Variants in RNF17 observed in about 807,000 individuals in gnomAD.
RNF17 encodes ring finger protein 17, also known as spermatogenesis associated 23.
A neutral mutation model predicts 200.5 loss-of-function variants in RNF17; 31 were observed. The ratio of observed to expected loss-of-function variants is 0.15; its 90% CI spans 0.12 to 0.21. The LOEUF is 0.21. Among genes scored for constraint, RNF17 ranks in the 10% least tolerant of loss-of-function variants. The pLI is 1.00. For synonymous variants in RNF17, 606 were observed against 637.8 expected, an observed-to-expected ratio of 0.95 and a Z score of 0.75; for missense variants, 1,628 against 1,905.1, an observed-to-expected ratio of 0.85 and a Z score of 2.71.
intron 15 of RNF17, among the ~76,000 whole-genome samples, chr13:24,817,253 T>C (rs1235304240): frequency 6.6e-6 from 1 of 152,176 alleles, no homozygotes; most frequent in Admixed American, 6.6e-5. Context: ...GGGCTTTTCA[T>C]GTGTAGGAGG....
the RNF17 span, among the ~76,000 whole-genome samples, chr13:24,755,788 T>G: frequency 6.6e-6 from 1 of 152,132 alleles, no homozygotes; most frequent in Non-Finnish European, 1.5e-5. Context: ...CTACAGGTCA[T>G]AAAAAAATTG....
chr13:24,781,878 A>G lies in RNF17; in HGVS notation c.545A>G (p.Glu182Gly). The change falls in exon 6 of 36, where the codon GAA becomes GGA. Residue 182 changes from glutamate to glycine, a missense_variant. Glu to Gly is a moderately conservative substitution (Grantham distance 98). Transcript: ENST00000255324. ...CACATGCAGAAGCAAACGATAGAGG[A>G]AAGAGAAAGAGTTATAGAAGTTGTG... ...LEHMQKQTIEERERVIEVVEK... is the reference protein window; with the variant it reads ...LEHMQKQTIEGRERVIEVVEK... 2.5e-6 allele frequency: 4 copies of G among 1,612,492 alleles called. No individual in the cohort carries two copies. Among genetic ancestry groups the G allele is most frequent in the Non-Finnish European group, 3.4e-6 (4 of 1,179,634 alleles).
intron 4 of RNF17, 29 bp from the exon 5 acceptor site, chr13:24,779,638 A>G: frequency 6.5e-7 from 1 of 1,549,016 alleles, no homozygotes; most frequent in South Asian, 1.1e-5. Flanking sequence ...TTAGTTTTAT[A>G]TTTGTATGTG....
chr13:24,844,099 G>A (rs1291751342), intron 20 of RNF17, 128 bp downstream of exon 20: 1 of 357,794 alleles, frequency 2.8e-6, no homozygotes, highest in Non-Finnish European at 4.8e-6. Flanking sequence ...AGTAGTCTCA[G>A]CTAGTTAGAA....
At chr13:24,825,344 A>G (rs912867320) in intron 15 of RNF17, among the ~76,000 whole-genome samples, 2 of 152,200 alleles carry the variant, frequency 1.3e-5, no homozygotes, top group Non-Finnish European at 2.9e-5. Flanking sequence ...GTAAAAACAT[A>G]TACAGTGAGT....
At chr13:24,785,477 G>A (rs1882983859) in intron 6 of RNF17, among the ~76,000 whole-genome samples, 1 of 152,134 alleles carries the variant, frequency 6.6e-6, no homozygotes, top group Non-Finnish European at 1.5e-5. Context: ...ACTAATAAAT[G>A]TTAATGAACA....
chr13:24,809,851 C>T (rs1227458434), intron 15 of RNF17, among the ~76,000 whole-genome samples: 4 of 151,874 alleles, frequency 2.6e-5, no homozygotes, highest in Admixed American at 6.6e-5. Flanking sequence ...TCTTTGTTCT[C>T]GTTGGTTTCA....
intron 32 of RNF17, among the ~76,000 whole-genome samples, chr13:24,871,441 G>A (rs900042204): frequency 2.0e-5 from 3 of 151,778 alleles, no homozygotes; most frequent in Non-Finnish European, 4.4e-5. Flanking sequence ...AGGTTTAAGC[G>A]ATTCTCCTGC....
intron 34 of RNF17, among the ~76,000 whole-genome samples, chr13:24,877,683 A>G (rs1895001524): frequency 6.6e-6 from 1 of 152,178 alleles, no homozygotes; most frequent in Admixed American, 6.5e-5. Context: ...TTTCACCTGC[A>G]TCCTAAAAGA....
rs763793762 is a variant in RNF17, at chr13:24,767,359, A to T, written c.218A>T (p.Asp73Val). 3.1e-6 allele frequency: 5 copies of T among 1,591,324 alleles called. No individual in the cohort carries two copies. Among genetic ancestry groups the T allele is most frequent in the Non-Finnish European group, 4.3e-6 (5 of 1,159,600 alleles). ...GAATGCACCACAATTATATGCCCTG[A>T]TTGTGAGGTAAGTGTTATAATTTTT... The part of the protein sequence containing the change: ...TEECTTIICP[D>V]CEVATAVNTR... Residue 73 changes from aspartate (D) to valine (V), a missense_variant, in exon 2 of 36, where the codon GAT (aspartate) becomes GTT (valine). By Grantham distance (152) the Asp-to-Val change is radical. Transcript: ENST00000255324.
chr13:24,787,147 C>T (rs1406339488), intron 6 of RNF17, among the ~76,000 whole-genome samples: 5 of 152,018 alleles, frequency 3.3e-5, no homozygotes, highest in African/African-American at 1.2e-4. Context: ...TTTTTCAATA[C>T]AATCTATGGA....
intron 33 of RNF17, 27 bp from the exon 34 acceptor site, chr13:24,876,970 T>C: frequency 1.3e-6 from 2 of 1,547,472 alleles, no homozygotes; most frequent in Non-Finnish European, 1.7e-6. Context: ...GAAGAGAATT[T>C]TAATGTAAGA....
In RNF17 at chr13:24,820,626, G is replaced by C. The variant is rs569665533; in HGVS notation, c.2092-4993G>C. Among the ~76,000 whole-genome samples the C allele has an allele frequency of 2.6e-5, 4 of 151,852 alleles. No individual in the cohort carries two copies. In the South Asian group the frequency reaches 8.4e-4, roughly 32 times the overall value. ...AATTTTTGTATTTTTAGTAGAGATAGCTTTTGGCTATGTTGGCCAGGCTGA... is the reference window on the plus strand; with the variant it reads ...AATTTTTGTATTTTTAGTAGAGATACCTTTTGGCTATGTTGGCCAGGCTGA... On this transcript the variant is annotated intron_variant, in intron 15 of 35. Coordinates refer to ENST00000255324, the MANE Select transcript of RNF17 (RefSeq NM_031277.3).
rs765178376 is a variant in RNF17 at position 24,825,693 on chromosome 13, G to A, written c.2166G>A (p.Leu722=). The A allele has an allele frequency of 5.0e-6, 8 of 1,612,806 alleles. No homozygotes were observed. The highest frequency in any genetic ancestry group is 2.2e-5 in the South Asian group (2 of 91,018). The change falls in exon 16 of 36, where the codon CTG becomes CTA. Residue 722 remains leucine, a synonymous_variant. Coordinates refer to ENST00000255324, the MANE Select transcript of RNF17 (RefSeq NM_031277.3). ...EFYKSEDGEN[L]EILCPVQDQA... ...ATAAAAGTGAAGATGGAGAAAATCT[G>A]GAAATCCTCTGTCCAGTTCAAGATC...
intron 33 of RNF17, 124 bp downstream of exon 33, chr13:24,874,373 T>C (rs1305820423): frequency 2.6e-6 from 2 of 783,538 alleles, no homozygotes; most frequent in Non-Finnish European, 3.7e-6. Flanking sequence ...AAATTAGGAA[T>C]TTTTTTCGTG....
chr13:24,749,307 C>CTTTCTTTCTTTCTTTTT, the RNF17 span, among the ~76,000 whole-genome samples: 6 of 108,018 alleles, frequency 5.6e-5, no homozygotes, highest in East Asian at 3.3e-4. Context: ...TTCTTTCTTT[C>CTTTCTTTCTTTCTTTTT]TTTTTTTTTT....
chr13:24,796,168 A>G lies in RNF17; in HGVS notation c.1272A>G (p.Val424=), dbSNP rs755659012. The G allele has an allele frequency of 4.3e-6, 7 of 1,612,186 alleles. No homozygotes were observed. Among genetic ancestry groups the G allele is most frequent in the South Asian group, 3.3e-5 (3 of 90,772 alleles). Residue 424 remains valine (V), a synonymous_variant, in exon 11 of 36, where the codon GTA becomes GTG. Transcript: ENST00000255324. ...CAGAGCTAGTTTTTGTAAGCCATGT[A>G]ATAGATCCTTGCCATTTCTACATTC... ...SSAELVFVSH[V]IDPCHFYIRK...
the RNF17 span, among the ~76,000 whole-genome samples, chr13:24,756,180 CT>C: frequency 6.6e-6 from 1 of 151,946 alleles, no homozygotes; most frequent in South Asian, 2.1e-4. Context: ...ATCTTTTTTA[CT>C]TTTTATAAAA....
chr13:24,879,159 T>C (rs780299912), intron 34 of RNF17, 28 bp from the exon 35 acceptor site: 8 of 1,553,212 alleles, frequency 5.2e-6, no homozygotes, highest in Non-Finnish European at 7.1e-6. Context: ...ATTACTGTTT[T>C]CTTGACAACT....
Sources: gnomAD v4.1 joint callset for allele counts (sites outside exome capture counted in the v4.1 genomes callset) on GRCh38, gnomAD v4.1.1 for gene constraint, MANE v1.5 for transcripts, NCBI Gene and HGNC (gene_info 2026-07-23, HGNC 2026-07-21) for gene names.